Variants in HCRTR2 observed in about 807,000 individuals in gnomAD.
HCRTR2 encodes orexin receptor type 2.
In HCRTR2, 22 loss-of-function variants were observed where a neutral mutation model predicts 49.0. The observed-to-expected ratio is 0.45, with a 90% confidence interval of 0.32 to 0.64. HCRTR2 has a LOEUF of 0.64. HCRTR2 is among the 30% of genes least tolerant of loss of function. HCRTR2 has a pLI of 0.04. For missense variants in HCRTR2, 491 were observed against 559.4 expected (o/e 0.88, Z 1.23); for synonymous variants, 236 against 205.3 (o/e 1.15, Z -1.28).
intron 1 of HCRTR2, among the ~76,000 whole-genome samples, chr6:55,161,560 G>C (rs1014297969): frequency 7.9e-5 from 12 of 151,724 alleles, no homozygotes; most frequent in African/African-American, 2.9e-4. Flanking sequence ...TTTTTGAAAA[G>C]ATTAACAAAA....
intron 1 of HCRTR2, among the ~76,000 whole-genome samples, chr6:55,183,165 G>A (rs946056885): frequency 1.3e-5 from 2 of 152,150 alleles, no homozygotes; most frequent in Admixed American, 1.3e-4. Flanking sequence ...TTAAAATAAC[G>A]TGGTAAGTGC....
chr6:55,275,477 TTA>T (rs1767059774), intron 4 of HCRTR2, among the ~76,000 whole-genome samples: 1 of 152,140 alleles, frequency 6.6e-6, no homozygotes, highest in Non-Finnish European at 1.5e-5. Flanking sequence ...ATGGAGAAAT[TTA>T]TGTGTCCTCA....
chr6:55,259,403 A>G (rs1766713460), intron 3 of HCRTR2, among the ~76,000 whole-genome samples: 1 of 152,240 alleles, frequency 6.6e-6, no homozygotes, highest in Admixed American at 6.5e-5. Context: ...ATGAACCCCT[A>G]AACTTTGAAA....
downstream of HCRTR2, chr6:55,282,758 T>C: frequency 9.1e-6 from 3 of 329,406 alleles, no homozygotes; most frequent in East Asian, 6.8e-5. Flanking sequence ...TATAATCCCT[T>C]GTTATTTTAA....
intron 1 of HCRTR2, among the ~76,000 whole-genome samples, chr6:55,144,386 G>A (rs953404307): frequency 1.3e-5 from 2 of 151,990 alleles, no homozygotes; most frequent in Non-Finnish European, 2.9e-5. Context: ...AAAGTACTGG[G>A]ATCTGTTCTG....
intron 1 of HCRTR2, among the ~76,000 whole-genome samples, chr6:55,153,792 G>A (rs1285911575): frequency 6.6e-6 from 1 of 151,378 alleles, no homozygotes; most frequent in East Asian, 1.9e-4. Context: ...CAATAACAAA[G>A]GTTAGATCAA....
At chr6:55,248,918 C>A in intron 2 of HCRTR2, 101 bp downstream of exon 2, 1 of 978,878 alleles carries the variant, frequency 1.0e-6, no homozygotes, top group Non-Finnish European at 1.6e-6. Flanking sequence ...AATATATTTG[C>A]CTAAGGCATT....
At chr6:55,265,310 A>G (rs1766841541) in intron 4 of HCRTR2, among the ~76,000 whole-genome samples, 1 of 152,000 alleles carries the variant, frequency 6.6e-6, no homozygotes, top group Non-Finnish European at 1.5e-5. Flanking sequence ...CTATTATTGT[A>G]TCTGTCAGGT....
rs143550967 is a variant in HCRTR2 at position 55,196,844 on chromosome 6, A to G, written c.223+22034A>G. ...TTCTCTAAATTTATGTAGAGATTAG[A>G]GTGAGGATGATGTATGCACTGTAGC... On this transcript the variant is annotated intron_variant, in intron 1 of 6. Coordinates refer to ENST00000370862, the MANE Select transcript of HCRTR2 (RefSeq NM_001384272.1). Among the ~76,000 whole-genome samples the G allele has an allele frequency of 5.4e-4, 82 of 152,298 alleles. No individual in the cohort carries two copies. The South Asian group carries it at 6.0e-3, about 11-fold the overall frequency.
At chr6:55,232,758 A>C (rs1380775010) in intron 1 of HCRTR2, among the ~76,000 whole-genome samples, 1 of 152,350 alleles carries the variant, frequency 6.6e-6, no homozygotes, top group South Asian at 2.1e-4. Context: ...CCATTAAAAC[A>C]GTCCTATAAA....
intron 1 of HCRTR2, among the ~76,000 whole-genome samples, chr6:55,166,677 G>A (rs1325746094): frequency 6.6e-6 from 1 of 152,020 alleles, no homozygotes; most frequent in African/African-American, 2.4e-5. Flanking sequence ...TAGAGTTACT[G>A]TATGAAATAA....
At chr6:55,158,385 G>T (rs1371826054) in intron 1 of HCRTR2, among the ~76,000 whole-genome samples, 8 of 152,174 alleles carry the variant, frequency 5.3e-5, no homozygotes, top group Non-Finnish European at 7.4e-5. Flanking sequence ...TGGATCTTTG[G>T]GCAGGCACCG....
chr6:55,140,985 A>C (rs1359348254), intron 1 of HCRTR2, among the ~76,000 whole-genome samples: 1 of 152,122 alleles, frequency 6.6e-6, no homozygotes, highest in Non-Finnish European at 1.5e-5. Flanking sequence ...ACAAGTGCTT[A>C]TTTATTCAAC....
intron 1 of HCRTR2, among the ~76,000 whole-genome samples, chr6:55,216,184 C>CA (rs1201554134): frequency 2.0e-5 from 3 of 152,096 alleles, no homozygotes; most frequent in African/African-American, 4.8e-5. Context: ...AAACCTTTCT[C>CA]AAAAAACCCA....
intron 1 of HCRTR2, among the ~76,000 whole-genome samples, chr6:55,141,421 G>A (rs1219293023): frequency 1.3e-5 from 2 of 152,168 alleles, no homozygotes; most frequent in African/African-American, 4.8e-5. Context: ...GAGAAAACCA[G>A]GAAAGAGAGG....
chr6:55,182,373 C>A (rs191903402), intron 1 of HCRTR2, among the ~76,000 whole-genome samples: 1 of 152,358 alleles, frequency 6.6e-6, no homozygotes, highest in Admixed American at 6.5e-5. Flanking sequence ...GAGCTTACAG[C>A]TTCTGGCTCA....
At chr6:55,238,616 A>C (rs141926739) in intron 1 of HCRTR2, among the ~76,000 whole-genome samples, 134 of 152,284 alleles carry the variant, frequency 8.8e-4, no homozygotes, top group African/African-American at 3.2e-3. Flanking sequence ...AGTTTAATTG[A>C]AAGATAGAAC....
At chr6:55,199,152 T>A (rs971797871) in intron 1 of HCRTR2, among the ~76,000 whole-genome samples, 6 of 152,094 alleles carry the variant, frequency 3.9e-5, no homozygotes, top group Admixed American at 3.3e-4. Context: ...GAGAAATGGG[T>A]ATTGTAATGA....
At chr6:55,249,093 A>C (rs1231546306) in intron 2 of HCRTR2, among the ~76,000 whole-genome samples, 2 of 152,022 alleles carry the variant, frequency 1.3e-5, no homozygotes, top group Non-Finnish European at 2.9e-5. Context: ...TTTTGCACAA[A>C]CTTTTTTTAT....
Sources: gnomAD v4.1 joint callset for allele counts (sites outside exome capture counted in the v4.1 genomes callset) on GRCh38, gnomAD v4.1.1 for gene constraint, MANE v1.5 for transcripts, NCBI Gene and HGNC (gene_info 2026-07-23, HGNC 2026-07-21) for gene names.